The following ADCY8 variants were observed in gnomAD, a reference collection of about 807,000 sequenced individuals.
ADCY8 encodes the protein adenylate cyclase type 8.
Under a neutral mutation model 119.7 loss-of-function variants are expected in ADCY8, and 51 were observed. The observed-to-expected ratio is 0.43, with a 90% CI of 0.34 to 0.54. ADCY8 has a LOEUF of 0.54. Among genes scored for constraint, ADCY8 ranks in the 20% least tolerant of loss-of-function variants. ADCY8 has a pLI of 0.03. For synonymous variants in ADCY8, 665 were observed against 651.0 expected, an observed-to-expected ratio of 1.02 and a Z score of -0.33; for missense variants, 1,383 against 1,598.8, an observed-to-expected ratio of 0.87 and a Z score of 2.30.
chr8:130,795,278 A>G lies in ADCY8; in HGVS notation c.3060+5148T>C, dbSNP rs992040338. The stretch of plus-strand genomic sequence containing the variant: ...CCATGCGGTAAAATAATGTGTCCCA[A>G]GGTCCCAGGGTGAGAAAGGGGAGAC... On this transcript the variant is annotated intron_variant, in intron 15 of 17. Transcript: ENST00000286355. 3.9e-5 allele frequency among the ~76,000 whole-genome samples: 6 copies of G among 152,208 alleles called. No individual in the cohort carries two copies. The South Asian group carries it at 1.2e-3, about 32-fold the overall frequency.
intron 11 of ADCY8, 130 bp downstream of exon 11, chr8:130,847,294 G>C: frequency 1.6e-6 from 1 of 616,146 alleles, no homozygotes; most frequent in Non-Finnish European, 2.8e-6. Flanking sequence ...AAGGAAAGAA[G>C]AAGAGGCAGA....
chr8:130,829,689 G>A (rs1816771477), intron 12 of ADCY8, among the ~76,000 whole-genome samples: 1 of 152,200 alleles, frequency 6.6e-6, no homozygotes, highest in African/African-American at 2.4e-5. Flanking sequence ...AAGTTGGAAA[G>A]TTTAAGCATG....
At chr8:130,823,810 G>T (rs1288821314) in intron 12 of ADCY8, among the ~76,000 whole-genome samples, 1 of 152,068 alleles carries the variant, frequency 6.6e-6, no homozygotes, top group Non-Finnish European at 1.5e-5. Flanking sequence ...TTAACTAAAT[G>T]TCATTTCCTT....
chr8:130,870,367 T>C (rs182845476), intron 8 of ADCY8, among the ~76,000 whole-genome samples: 22 of 152,254 alleles, frequency 1.4e-4, no homozygotes, highest in Admixed American at 1.2e-3. Flanking sequence ...CCACCTGTCA[T>C]CATCACTATC....
At chr8:130,927,508 T>A (rs1270412191) in intron 5 of ADCY8, among the ~76,000 whole-genome samples, 1 of 152,198 alleles carries the variant, frequency 6.6e-6, no homozygotes, top group Non-Finnish European at 1.5e-5. Context: ...TCATCAGAAG[T>A]ATAGTTTACA....
At chr8:130,921,449 C>CTTTTTTT (rs35570520) in intron 5 of ADCY8, among the ~76,000 whole-genome samples, 18 of 107,618 alleles carry the variant, frequency 1.7e-4, no homozygotes, top group East Asian at 4.6e-4. Flanking sequence ...TTTTTCTTTT[C>CTTTTTTT]TTTTTTTTTT....
At chr8:130,964,370 C>T (rs1821698616) in intron 2 of ADCY8, among the ~76,000 whole-genome samples, 1 of 152,168 alleles carries the variant, frequency 6.6e-6, no homozygotes, top group Non-Finnish European at 1.5e-5. Context: ...CCATGCTGAA[C>T]AGAAATCACT....
At chr8:130,888,951 A>G (rs1422436662) in intron 7 of ADCY8, among the ~76,000 whole-genome samples, 1 of 152,096 alleles carries the variant, frequency 6.6e-6, no homozygotes, top group African/African-American at 2.4e-5. Flanking sequence ...TACTGTCTAG[A>G]AACATCCAGT....
Position 130,935,117 on chromosome 8 carries a change from A to T in ADCY8, c.1481+1956T>A, listed in dbSNP as rs61358764. On this transcript the variant is annotated intron_variant, in intron 5 of 17. Transcript: ENST00000286355. ...GAGGTAGGCTGCTGTCACTATGGACACATGCCTTCTGCTGATGGAAAGGTA... is the reference window on the plus strand; with the variant it reads ...GAGGTAGGCTGCTGTCACTATGGACTCATGCCTTCTGCTGATGGAAAGGTA... Among the ~76,000 whole-genome samples the T allele has an allele frequency of 6.0e-3, 909 of 152,344 alleles. 13 individuals are homozygous for T. The highest frequency in any genetic ancestry group is 0.021 in the African/African-American group (889 of 41,594).
In ADCY8 at chr8:130,880,606, C is replaced by T. The variant is rs1818732914; in HGVS notation, c.2109+3958G>A. Among the ~76,000 whole-genome samples, 3 of 152,274 alleles carry T rather than the reference C, an allele frequency of 2.0e-5. No individual in the cohort carries two copies. In the South Asian group the frequency reaches 6.2e-4, roughly 32 times the overall value. ...GGGAAGAGCTGAAGAAGGCCTTTGG[C>T]AACTGCAATAGGTCTCCTCTCCCCT... On this transcript the variant is annotated intron_variant, in intron 8 of 17. Transcript: ENST00000286355.
intron 15 of ADCY8, among the ~76,000 whole-genome samples, chr8:130,794,841 C>T (rs1156821051): frequency 6.6e-6 from 1 of 152,140 alleles, no homozygotes; most frequent in Non-Finnish European, 1.5e-5. Flanking sequence ...AACTGAGGTG[C>T]ATAGAGGGAT....
chr8:130,906,943 T>C (rs1050055498), intron 6 of ADCY8, among the ~76,000 whole-genome samples: 4 of 151,902 alleles, frequency 2.6e-5, no homozygotes, highest in East Asian at 1.9e-4. Context: ...AAGTAACAAG[T>C]ACATATTTGG....
intron 13 of ADCY8, among the ~76,000 whole-genome samples, chr8:130,816,880 T>C (rs1816364234): frequency 6.6e-6 from 1 of 152,316 alleles, no homozygotes; most frequent in East Asian, 1.9e-4. Flanking sequence ...TTTAAGTAAA[T>C]AACTTTAGAA....
chr8:130,941,949 G>T (rs960898772), intron 4 of ADCY8, among the ~76,000 whole-genome samples: 3 of 152,156 alleles, frequency 2.0e-5, no homozygotes, highest in Non-Finnish European at 2.9e-5. Flanking sequence ...CTGTCTGACT[G>T]TGGGGCTTCA....
chr8:130,820,288 G>C (rs934642005), intron 13 of ADCY8, among the ~76,000 whole-genome samples: 1 of 152,046 alleles, frequency 6.6e-6, no homozygotes, highest in African/African-American at 2.4e-5. Flanking sequence ...TTTTCTCAGG[G>C]TTCGTTACCT....
At chr8:130,889,668 C>T (rs1819114812) in intron 7 of ADCY8, among the ~76,000 whole-genome samples, 2 of 152,136 alleles carry the variant, frequency 1.3e-5, no homozygotes, top group Non-Finnish European at 1.5e-5. Context: ...TGTATTTCCC[C>T]AGTTGTTCCA....
In ADCY8 at chr8:130,909,570, T is replaced by A; in HGVS notation, c.1640+138A>T. ...TAGATTTTGGAAGCTAATAGTTGTA[T>A]GATGTTTCAGTGTCTGGTCTCCTTC... On this transcript the variant is annotated intron_variant, in intron 6 of 17. Coordinates refer to ENST00000286355, the MANE Select transcript of ADCY8 (RefSeq NM_001115.3). 3.9e-6 allele frequency: 4 copies of A among 1,013,304 alleles called. No individual in the cohort carries two copies. In the South Asian group the frequency reaches 6.1e-5, roughly 16 times the overall value. The allele number at this position is 1,013,304 out of a possible 1,614,324, so 62.8% of individuals were successfully genotyped here.
intron 7 of ADCY8, among the ~76,000 whole-genome samples, chr8:130,893,573 A>AT (rs1375902965): frequency 2.0e-5 from 3 of 152,152 alleles, no homozygotes; most frequent in African/African-American, 7.2e-5. Flanking sequence ...AAACAAACAT[A>AT]TATCCAGACC....
chr8:130,840,210 G>A (rs1817098622), intron 11 of ADCY8, among the ~76,000 whole-genome samples: 1 of 138,590 alleles, frequency 7.2e-6, no homozygotes, highest in Non-Finnish European at 1.6e-5. Context: ...AGGATGTTTA[G>A]TGAGCAATGA....
Sources: allele counts gnomAD v4.1 joint callset (sites outside exome capture counted in the v4.1 genomes callset), GRCh38; gene constraint gnomAD v4.1.1; transcripts MANE v1.5; gene names NCBI Gene and HGNC (gene_info 2026-07-23, HGNC 2026-07-21).